The following ANXA5 variants were observed in gnomAD, a reference collection of about 807,000 sequenced individuals.
ANXA5 encodes the protein CBP-I.
A neutral mutation model predicts 48.1 loss-of-function variants in ANXA5; 40 were observed. The observed-to-expected ratio is 0.83, with a 90% confidence interval of 0.65 to 1.08. The LOEUF (loss-of-function observed/expected upper bound fraction) is 1.08, where lower values mean the gene tolerates loss of function less well. Among genes scored for constraint, ANXA5 ranks in the 50% least tolerant of loss-of-function variants. ANXA5 has a pLI of 0.00. For missense variants in ANXA5, 357 were observed against 376.8 expected (o/e 0.95, Z 0.44); for synonymous variants, 113 against 129.1 (o/e 0.88, Z 0.85).
chr4:121,679,449 C>A (rs1282219087), intron 6 of ANXA5, among the ~76,000 whole-genome samples: 2 of 152,154 alleles, frequency 1.3e-5, no homozygotes, highest in Admixed American at 6.6e-5. Flanking sequence ...TCCTTCCTCC[C>A]TCAATTGTTC....
chr4:121,671,507 T>C (rs755167298), intron 10 of ANXA5, 40 bp downstream of exon 10: 2 of 1,456,098 alleles, frequency 1.4e-6, no homozygotes, highest in East Asian at 4.5e-5. Flanking sequence ...ATGCTTTAGC[T>C]CTTACCACCA....
chr4:121,683,285 T>C, intron 5 of ANXA5, 79 bp downstream of exon 5: 4 of 844,696 alleles, frequency 4.7e-6, no homozygotes, highest in South Asian at 2.5e-5. Flanking sequence ...TTTTTAAATA[T>C]AACAAATAAG....
chr4:121,695,484 C>T (rs764198538), intron 2 of ANXA5, among the ~76,000 whole-genome samples: 2 of 152,142 alleles, frequency 1.3e-5, no homozygotes, highest in African/African-American at 2.4e-5. Context: ...TCTGACAAGC[C>T]GGTTAGATTG....
At chr4:121,685,087 CAG>C (rs1553964253) in intron 3 of ANXA5, among the ~76,000 whole-genome samples, 2 of 148,988 alleles carry the variant, frequency 1.3e-5, no homozygotes, top group African/African-American at 5.0e-5. Context: ...CACACACACA[CAG>C]ACGCAAATAC....
chr4:121,669,910 G>A (rs1440057474), intron 11 of ANXA5, 44 bp downstream of exon 11: 2 of 1,496,654 alleles, frequency 1.3e-6, no homozygotes, highest in Admixed American at 2.0e-5. Flanking sequence ...ATAATAATTA[G>A]AAAGAGAAAT....
At chr4:121,673,424 C>A (rs1254122204) in intron 8 of ANXA5, among the ~76,000 whole-genome samples, 2 of 152,122 alleles carry the variant, frequency 1.3e-5, no homozygotes, top group Admixed American at 1.3e-4. Context: ...CAAACTAAGT[C>A]TACATATTAA....
At chr4:121,686,230 T>C in intron 3 of ANXA5, 58 bp downstream of exon 3, 2 of 1,265,074 alleles carry the variant, frequency 1.6e-6, no homozygotes, top group Non-Finnish European at 2.3e-6. Flanking sequence ...CTGTAATTAA[T>C]GACTTGTTTG....
rs755891007 is a variant in ANXA5 at position 121,681,757 on chromosome 4, G to T, written c.308C>A (p.Ala103Asp). Residue 103 changes from alanine to aspartate, a missense_variant, in exon 6 of 13, where the codon GCT (alanine) becomes GAT (aspartate). Coordinates refer to ENST00000296511, the MANE Select transcript of ANXA5 (RefSeq NM_001154.4). The part of the protein sequence containing the change: ...AYELKHALKG[A>D]GTNEKVLTEI... ...TGTCAGTACTTTTTCATTTGTTCCA[G>T]CTCCCTGTTTGGAGATTTTAATAGA... The T allele has an allele frequency of 6.2e-7, 1 of 1,609,440 alleles. No individual in the cohort carries two copies. Among genetic ancestry groups the T allele is most frequent in the South Asian group, 1.1e-5 (1 of 90,592 alleles).
chr4:121,678,418 AAGG>A lies in ANXA5; in HGVS notation c.468_470del (p.Leu157del), dbSNP rs1225234851. 2 of 1,612,990 alleles carry A rather than the reference AAGG, an allele frequency of 1.2e-6. No individual in the cohort carries two copies. Among genetic ancestry groups the A allele is most frequent in the South Asian group, 1.1e-5 (1 of 90,816 alleles). ...GTAATTAATCTCCACGCAATACCTG[AAGG>A]AGAACCACCAACATCCGCTGGTAGT... is the stretch of plus-strand genomic sequence containing the variant. On this transcript the variant is annotated inframe_deletion, in exon 7 of 13. Transcript: ENST00000296511.
Position 121,683,483 on chromosome 4 carries a change from C to A in ANXA5, c.190-6G>T. ...TTCAGGTCATCCAGAAGATCCTAAC[C>A]CACAGAAAATACAAATTTGTTAACC... On this transcript the variant is annotated splice_polypyrimidine_tract_variant and splice_region_variant and intron_variant, in intron 4 of 12. Transcript: ENST00000296511. 9.2e-6 allele frequency: 14 copies of A among 1,523,142 alleles called. No homozygotes were observed. Among genetic ancestry groups the A allele is most frequent in the Non-Finnish European group, 1.1e-5 (12 of 1,104,392 alleles). 94.4% of individuals were successfully genotyped at this position (1,523,142 alleles called of 1,614,324 possible).
chr4:121,689,100 G>A (rs980896220), intron 2 of ANXA5, among the ~76,000 whole-genome samples: 1 of 152,192 alleles, frequency 6.6e-6, no homozygotes, highest in African/African-American at 2.4e-5. Flanking sequence ...AGGAGTTATA[G>A]TTTAGAAGAG....
At chr4:121,685,530 G>T (rs1724871117) in intron 3 of ANXA5, among the ~76,000 whole-genome samples, 1 of 152,182 alleles carries the variant, frequency 6.6e-6, no homozygotes, top group South Asian at 2.1e-4. Context: ...GATAAGCCAG[G>T]ATGGTTGGGT....
chr4:121,672,578 A>G lies in ANXA5; in HGVS notation c.580T>C (p.Phe194Leu), dbSNP rs748874524. 1 of 1,613,884 alleles carries G rather than the reference A, an allele frequency of 6.2e-7. No homozygotes were observed. ...ELKWGTDEEK[F>L]ITIFGTRSVS... ...CTTCGTGTTCCAAAGATGGTGATAA[A>G]CTTTTCTTCATCTGTCCCCCATTTA... Residue 194 changes from phenylalanine (F) to leucine (L), a missense_variant, in exon 9 of 13, where the codon TTT (phenylalanine) becomes CTT (leucine). Coordinates refer to ENST00000296511, the MANE Select transcript of ANXA5 (RefSeq NM_001154.4).
At chr4:121,685,423 T>A (rs915988647) in intron 3 of ANXA5, among the ~76,000 whole-genome samples, 1 of 152,150 alleles carries the variant, frequency 6.6e-6, no homozygotes, top group Admixed American at 6.5e-5. Context: ...TATTGAAGGA[T>A]GGAAGGATTG....
At chr4:121,672,351 T>G (rs1578439946) in intron 9 of ANXA5, among the ~76,000 whole-genome samples, 182 bp downstream of exon 9, 1 of 152,206 alleles carries the variant, frequency 6.6e-6, no homozygotes, top group East Asian at 1.9e-4. Context: ...GATCTCTAGT[T>G]TGTAAAAGCT....
At chr4:121,678,090 T>C in intron 7 of ANXA5, 140 bp from the exon 8 acceptor site, 1 of 719,270 alleles carries the variant, frequency 1.4e-6, no homozygotes, top group Non-Finnish European at 2.4e-6. Context: ...CTGCACTATT[T>C]CACGTTATCA....
chr4:121,684,872 C>T, intron 3 of ANXA5, 101 bp from the exon 4 acceptor site: 1 of 842,834 alleles, frequency 1.2e-6, no homozygotes, highest in Non-Finnish European at 1.9e-6. Flanking sequence ...CTTGCCTCTC[C>T]CTATGCGAAT....
chr4:121,693,239 A>C (rs1725017413), intron 2 of ANXA5, among the ~76,000 whole-genome samples: 1 of 151,598 alleles, frequency 6.6e-6, no homozygotes, highest in Non-Finnish European at 1.5e-5. Flanking sequence ...ATCTCGGGGG[A>C]GAAAAAAAAA....
At chr4:121,693,282 C>A (rs1044622531) in intron 2 of ANXA5, among the ~76,000 whole-genome samples, 2 of 151,500 alleles carry the variant, frequency 1.3e-5, no homozygotes, top group African/African-American at 4.8e-5. Flanking sequence ...AGAAATGAAG[C>A]CAGGAGTATA....
Sources: allele counts gnomAD v4.1 joint callset (sites outside exome capture counted in the v4.1 genomes callset), GRCh38; gene constraint gnomAD v4.1.1; transcripts MANE v1.5; gene names NCBI Gene and HGNC (gene_info 2026-07-23, HGNC 2026-07-21).